Variants in USP53 observed in about 807,000 individuals in gnomAD.
The protein encoded by USP53 is ubiquitin carboxyl-terminal hydrolase 53.
In USP53, 71 loss-of-function variants were observed where a neutral mutation model predicts 94.9. That is an observed-to-expected ratio of 0.75 (90% CI 0.62 to 0.91). The LOEUF is 0.91. Among genes scored for constraint, USP53 ranks in the 40% least tolerant of loss-of-function variants. The pLI is 0.00. For missense variants in USP53, 1,173 were observed against 1,281.0 expected (o/e 0.92, Z 1.29); for synonymous variants, 375 against 422.7 (o/e 0.89, Z 1.39).
intron 5 of USP53, among the ~76,000 whole-genome samples, chr4:119,242,173 T>G (rs1307243892): frequency 6.6e-6 from 1 of 152,220 alleles, no homozygotes; most frequent in East Asian, 1.9e-4. Flanking sequence ...TTCTGTTATT[T>G]GTATAAATAC....
At chr4:119,254,203 T>C (rs1274269028) in intron 7 of USP53, among the ~76,000 whole-genome samples, 3 of 152,344 alleles carry the variant, frequency 2.0e-5, no homozygotes, top group Non-Finnish European at 2.9e-5. Context: ...GTCTTTTGGT[T>C]GCTCTTCTCA....
rs28553307 is a variant in USP53, at chr4:119,261,191, C to T, written c.823-524C>T. 8.6e-3 allele frequency among the ~76,000 whole-genome samples: 1,301 copies of T among 152,114 alleles called. 18 individuals are homozygous for T. Among genetic ancestry groups the T allele is most frequent in the African/African-American group, 0.03 (1,237 of 41,502 alleles). Reference sequence around the variant, plus strand: ...GCCAGGCTGCTCTCGAACTCCTGGCCTCAAGTAGATCCACCTGCCTTGGCT... The same window carrying T: ...GCCAGGCTGCTCTCGAACTCCTGGCTTCAAGTAGATCCACCTGCCTTGGCT... On this transcript the variant is annotated intron_variant, in intron 11 of 18. Coordinates refer to ENST00000692078, the MANE Select transcript of USP53 (RefSeq NM_001371395.1).
At chr4:119,254,090 G>A (rs995218625) in intron 7 of USP53, among the ~76,000 whole-genome samples, 7 of 152,132 alleles carry the variant, frequency 4.6e-5, no homozygotes, top group South Asian at 2.1e-4. Context: ...GAAATCCACC[G>A]TTAGTCTGAT....
chr4:119,252,354 A>G (rs1230895223), intron 7 of USP53, among the ~76,000 whole-genome samples: 1 of 152,122 alleles, frequency 6.6e-6, no homozygotes, highest in Non-Finnish European at 1.5e-5. Flanking sequence ...CTGTGAATCC[A>G]TCTGGTCCTG....
At chr4:119,261,241 G>A (rs1420396018) in intron 11 of USP53, among the ~76,000 whole-genome samples, 5 of 152,102 alleles carry the variant, frequency 3.3e-5, no homozygotes, top group South Asian at 4.2e-4. Flanking sequence ...GATTACAGGC[G>A]TGAGCCACCA....
chr4:119,223,997 A>G (rs1377278929), intron 3 of USP53, among the ~76,000 whole-genome samples: 1 of 151,982 alleles, frequency 6.6e-6, no homozygotes, highest in African/African-American at 2.4e-5. Flanking sequence ...AATATTTTTT[A>G]TGTATTTTAT....
At chr4:119,278,306 A>G (rs1231472847) in intron 17 of USP53, among the ~76,000 whole-genome samples, 2 of 151,918 alleles carry the variant, frequency 1.3e-5, no homozygotes, top group African/African-American at 4.8e-5. Context: ...GTGGTGACAA[A>G]ATCGGTCAGC....
chr4:119,241,899 T>C (rs1380948485), intron 5 of USP53, among the ~76,000 whole-genome samples: 1 of 152,162 alleles, frequency 6.6e-6, no homozygotes, highest in Non-Finnish European at 1.5e-5. Flanking sequence ...TTATTTTCTT[T>C]CTCAGTCTTT....
intron 12 of USP53, among the ~76,000 whole-genome samples, chr4:119,263,804 GC>G (rs1312868057): frequency 6.6e-5 from 10 of 152,154 alleles, no homozygotes; most frequent in African/African-American, 2.4e-4. Context: ...GGTCACGGGG[GC>G]TCATGCCTAT....
intron 3 of USP53, among the ~76,000 whole-genome samples, chr4:119,223,362 A>T (rs1744808000): frequency 6.6e-6 from 1 of 152,214 alleles, no homozygotes; most frequent in South Asian, 2.1e-4. Flanking sequence ...CGTTAGCCAG[A>T]TCAATTCTAG....
chr4:119,269,594 T>A (rs1275857861), intron 14 of USP53, 97 bp from the exon 15 acceptor site: 8 of 844,560 alleles, frequency 9.5e-6, no homozygotes, highest in Non-Finnish European at 1.1e-5. Context: ...ATGCTCTTTT[T>A]AAATATATCT....
intron 3 of USP53, among the ~76,000 whole-genome samples, chr4:119,223,509 G>A (rs1744829295): frequency 6.6e-6 from 1 of 152,152 alleles, no homozygotes; most frequent in Non-Finnish European, 1.5e-5. Flanking sequence ...TTAAATATAA[G>A]AGAACCAAGA....
At chr4:119,274,616 A>G (rs1307736877) in intron 17 of USP53, among the ~76,000 whole-genome samples, 3 of 150,660 alleles carry the variant, frequency 2.0e-5, no homozygotes, top group Non-Finnish European at 4.4e-5. Context: ...ATACCCAGTA[A>G]TGGGATGGCT....
chr4:119,237,494 C>T (rs1305981641), intron 4 of USP53, among the ~76,000 whole-genome samples: 2 of 151,702 alleles, frequency 1.3e-5, no homozygotes, highest in Non-Finnish European at 2.9e-5. Context: ...GCGGCTCCCT[C>T]GCTGCTATCT....
At chr4:119,229,193 G>A (rs1268053124) in intron 3 of USP53, among the ~76,000 whole-genome samples, 1 of 152,148 alleles carries the variant, frequency 6.6e-6, no homozygotes, top group Non-Finnish European at 1.5e-5. Context: ...ATCTATATAT[G>A]GTGCTATTAT....
chr4:119,274,195 C>A (rs1752262917), intron 17 of USP53, among the ~76,000 whole-genome samples: 2 of 151,176 alleles, frequency 1.3e-5, no homozygotes, highest in Admixed American at 6.6e-5. Flanking sequence ...TGCGCTGCAC[C>A]ACTAACTCGT....
intron 5 of USP53, among the ~76,000 whole-genome samples, chr4:119,244,005 A>G (rs1747897137): frequency 6.6e-6 from 1 of 152,198 alleles, no homozygotes; most frequent in Non-Finnish European, 1.5e-5. Context: ...GAGTCCCAGA[A>G]AATATTTTGC....
At chr4:119,220,262 T>C (rs1355119318) in intron 3 of USP53, 1 of 152,116 alleles carries the variant, frequency 6.6e-6, no homozygotes, top group Non-Finnish European at 1.5e-5. Flanking sequence ...TAAAAAATTA[T>C]TTATGAAAAT....
intron 17 of USP53, among the ~76,000 whole-genome samples, chr4:119,280,091 G>A (rs1183597339): frequency 6.6e-6 from 1 of 152,202 alleles, no homozygotes; most frequent in African/African-American, 2.4e-5. Context: ...GCTGTAGACT[G>A]GAGCTGTTCC....
Sources: gnomAD v4.1 joint callset for allele counts (sites outside exome capture counted in the v4.1 genomes callset) on GRCh38, gnomAD v4.1.1 for gene constraint, MANE v1.5 for transcripts, NCBI Gene and HGNC (gene_info 2026-07-23, HGNC 2026-07-21) for gene names.